Variants in ALPK2 observed in about 807,000 individuals in gnomAD.
ALPK2 encodes the protein alpha-protein kinase 2.
ALPK2 carries 127 observed loss-of-function variants against 163.1 expected under a neutral mutation model. The ratio of observed to expected loss-of-function variants is 0.78; its 90% confidence interval spans 0.67 to 0.90. The LOEUF is 0.90. Ranked by LOEUF, ALPK2 falls within the 40% of genes least tolerant of loss-of-function variation. ALPK2 has a pLI of 0.00. For synonymous variants in ALPK2, 953 were observed against 959.1 expected, an observed-to-expected ratio of 0.99 and a Z score of 0.12; for missense variants, 2,360 against 2,589.6, an observed-to-expected ratio of 0.91 and a Z score of 1.92.
In ALPK2 at chr18:58,535,454, C is replaced by A. The variant is rs780229836; in HGVS notation, c.4733G>T (p.Arg1578Leu). 6.2e-7 allele frequency: 1 copy of A among 1,614,070 alleles called. No homozygotes were observed. Among genetic ancestry groups the A allele is most frequent in the African/African-American group, 1.3e-5 (1 of 74,924 alleles). Residue 1578 changes from arginine to leucine, a missense_variant, in exon 5 of 13, where the codon CGT becomes CTT. Transcript: ENST00000361673. ...PENDIVEPRK[R>L]QYVFPVSQKR... ...CTGTGAAACAGGAAACACATACTGA[C>A]GCTTTCTGGGCTCAACTATGTCATT...
Position 58,511,224 on chromosome 18 carries a change from C to T in ALPK2, c.6029+3769G>A, listed in dbSNP as rs570231532. Among the ~76,000 whole-genome samples, 707 of 152,254 alleles carry T rather than the reference C, an allele frequency of 4.6e-3. 19 individuals are homozygous for T. The highest frequency in any genetic ancestry group is 0.041 in the Admixed American group (626 of 15,292). ...CATATGTTGAACCAGCCTTGCATCC[C>T]AGGGATGAAGCCCACTTGATCATGG... On this transcript the variant is annotated intron_variant, in intron 10 of 12. Transcript: ENST00000361673.
At chr18:58,555,028 C>T (rs2051782701) in intron 4 of ALPK2, among the ~76,000 whole-genome samples, 1 of 152,178 alleles carries the variant, frequency 6.6e-6, no homozygotes, top group African/African-American at 2.4e-5. Context: ...TCTTCTTAGC[C>T]ATGTGTAACA....
intron 1 of ALPK2, among the ~76,000 whole-genome samples, chr18:58,617,275 C>G (rs1229865108): frequency 6.6e-6 from 1 of 152,202 alleles, no homozygotes; most frequent in African/African-American, 2.4e-5. Context: ...CATCCTCCAC[C>G]TCCCGGGTTC....
chr18:58,517,611 A>G (rs1487195947), intron 8 of ALPK2, among the ~76,000 whole-genome samples: 2 of 149,658 alleles, frequency 1.3e-5, no homozygotes, highest in Non-Finnish European at 3.0e-5. Context: ...CAACCACGGA[A>G]TCTTTGCTGG....
chr18:58,552,988 T>C (rs1347605911), intron 4 of ALPK2, among the ~76,000 whole-genome samples: 1 of 152,094 alleles, frequency 6.6e-6, no homozygotes, highest in East Asian at 1.9e-4. Flanking sequence ...GTTGTCTTCA[T>C]GGGAAGAGAA....
chr18:58,515,466 G>A (rs2051516471), intron 9 of ALPK2, among the ~76,000 whole-genome samples: 1 of 152,222 alleles, frequency 6.6e-6, no homozygotes, highest in African/African-American at 2.4e-5. Flanking sequence ...CTTTTCAAAG[G>A]TGTAATTGGA....
Position 58,536,675 on chromosome 18 carries a change from G to A in ALPK2, c.3512C>T (p.Pro1171Leu), listed in dbSNP as rs2051650644. 5 of 1,613,988 alleles carry A rather than the reference G, an allele frequency of 3.1e-6. No homozygotes were observed. The highest frequency in any genetic ancestry group is 4.2e-6 in the Non-Finnish European group (5 of 1,180,030). ...AGAGCTTGCGGGTGAGTGGGCCGTGGGCACCAAGTTTCTTTCCTCTTGTGC... is the reference window on the plus strand; with the variant it reads ...AGAGCTTGCGGGTGAGTGGGCCGTGAGCACCAAGTTTCTTTCCTCTTGTGC... ...SAAQEERNLV[P>L]TAHSPASSRE... Residue 1171 changes from proline to leucine, a missense_variant, in exon 5 of 13, where the codon CCC becomes CTC. Transcript: ENST00000361673.
At chr18:58,605,171 C>T (rs1214863785) in intron 3 of ALPK2, among the ~76,000 whole-genome samples, 1 of 151,740 alleles carries the variant, frequency 6.6e-6, no homozygotes, top group Admixed American at 6.5e-5. Context: ...GGTAGGCAAA[C>T]TATAGCCCGC....
At chr18:58,551,723 A>G (rs528684647) in intron 4 of ALPK2, among the ~76,000 whole-genome samples, 1 of 152,320 alleles carries the variant, frequency 6.6e-6, no homozygotes, top group South Asian at 2.1e-4. Context: ...CAGGACAATG[A>G]TAGGGAGGTT....
At chr18:58,613,698 CAAAA>C (rs1223191157) in intron 1 of ALPK2, among the ~76,000 whole-genome samples, 696 of 57,246 alleles carry the variant, frequency 0.012, 8 homozygotes, top group Non-Finnish European at 0.017. Flanking sequence ...GACTCCATCT[CAAAA>C]AAAAAAAATA....
intron 8 of ALPK2, among the ~76,000 whole-genome samples, chr18:58,520,532 G>A (rs892973496): frequency 1.3e-5 from 2 of 151,460 alleles, no homozygotes; most frequent in African/African-American, 4.9e-5. Context: ...CCTCACTGAG[G>A]TTCCTTGCTA....
intron 5 of ALPK2, among the ~76,000 whole-genome samples, chr18:58,531,953 AAAAAAAAAAAAT>A (rs2051618014): frequency 6.6e-6 from 1 of 150,918 alleles, no homozygotes. Context: ...AAAAAAAAAA[AAAAAAAAAAAAT>A]AGGCTGTTGT....
intron 10 of ALPK2, among the ~76,000 whole-genome samples, chr18:58,504,646 G>A (rs938222175): frequency 2.0e-5 from 3 of 152,134 alleles, no homozygotes; most frequent in Non-Finnish European, 2.9e-5. Context: ...TAAAGAAAAC[G>A]GAGGCTGTGT....
intron 1 of ALPK2, among the ~76,000 whole-genome samples, chr18:58,624,285 A>G (rs2052217228): frequency 6.6e-6 from 1 of 152,356 alleles, no homozygotes; most frequent in South Asian, 2.1e-4. Context: ...GCCAATAGCT[A>G]TCTTGAGACC....
chr18:58,561,944 G>T (rs1320830288), intron 4 of ALPK2, among the ~76,000 whole-genome samples: 1 of 152,194 alleles, frequency 6.6e-6, no homozygotes, highest in Non-Finnish European at 1.5e-5. Flanking sequence ...CAACAATCTG[G>T]ATGCTGGGGC....
At chr18:58,595,970 A>T (rs948061305) in intron 3 of ALPK2, among the ~76,000 whole-genome samples, 4 of 152,140 alleles carry the variant, frequency 2.6e-5, no homozygotes, top group African/African-American at 9.7e-5. Flanking sequence ...CGTTTCCATC[A>T]AGGGTAAAGG....
intron 9 of ALPK2, 42 bp downstream of exon 9, chr18:58,516,866 T>G: frequency 6.3e-7 from 1 of 1,593,260 alleles, no homozygotes; most frequent in Non-Finnish European, 8.6e-7. Flanking sequence ...TCATGGGTGG[T>G]TCTCACACCA....
intron 1 of ALPK2, among the ~76,000 whole-genome samples, chr18:58,621,330 A>T (rs947049099): frequency 1.3e-4 from 19 of 149,566 alleles, no homozygotes; most frequent in Admixed American, 9.3e-4. Context: ...GCTGGAGTGC[A>T]GTGGCACTAT....
rs772081297 is a variant in ALPK2 at position 58,523,803 on chromosome 18, T to C, written c.5665+3A>G. On this transcript the variant is annotated splice_donor_region_variant and intron_variant, in intron 8 of 12. Coordinates refer to ENST00000361673, the MANE Select transcript of ALPK2 (RefSeq NM_052947.4). The stretch of plus-strand genomic sequence containing the variant: ...TCTGGCAGGTCAACCCTAACTGACT[T>C]ACCTTTAGTATCCTGGCGACTTGAC... The C allele has an allele frequency of 6.2e-7, 1 of 1,614,104 alleles. No homozygotes were observed. Among genetic ancestry groups the C allele is most frequent in the South Asian group, 1.1e-5 (1 of 91,088 alleles).
Sources: gnomAD v4.1 joint callset for allele counts (sites outside exome capture counted in the v4.1 genomes callset) on GRCh38, gnomAD v4.1.1 for gene constraint, MANE v1.5 for transcripts, NCBI Gene and HGNC (gene_info 2026-07-23, HGNC 2026-07-21) for gene names.